Variants in TASOR2 observed in about 807,000 individuals in gnomAD.
The protein encoded by TASOR2 is transcription activation suppressor family member 2, also known as protein TASOR 2.
Under a neutral mutation model 199.5 loss-of-function variants are expected in TASOR2, and 84 were observed. The observed-to-expected ratio is 0.42, with a 90% CI of 0.35 to 0.50. The LOEUF (loss-of-function observed/expected upper bound fraction) is 0.50, where lower values mean the gene tolerates loss of function less well. Ranked by LOEUF, TASOR2 falls within the 20% of genes least tolerant of loss-of-function variation. The probability of loss-of-function intolerance (pLI) is 0.02; values close to 1 mark genes in which losing one functional copy is unlikely to be tolerated. For missense variants in TASOR2, 2,796 were observed against 2,835.9 expected (o/e 0.99, Z 0.32); for synonymous variants, 1,103 against 1,046.6 (o/e 1.05, Z -1.04).
In TASOR2 at chr10:5,730,369, G is replaced by GA. The variant is rs1834648923; in HGVS notation, c.488-115dup. 1.3e-6 allele frequency: 1 copy of GA among 744,826 alleles called. No individual in the cohort carries two copies. The highest frequency in any genetic ancestry group is 1.8e-5 in the African/African-American group (1 of 56,856). 46.1% of individuals were successfully genotyped at this position (744,826 alleles called of 1,614,324 possible). On this transcript the variant is annotated intron_variant, in intron 10 of 20. Transcript: ENST00000328090. This position sits in a 1 kb window ranked among gnomAD's most constrained non-coding sequence, Gnocchi z 4.1. The stretch of plus-strand genomic sequence containing the variant: ...TTAATTGCCATTTAGGTTGTCATTT[G>GA]AAATACTATAACATATTTAACCATC...
At chr10:5,694,841 G>GT (rs1289310240) in intron 1 of TASOR2, among the ~76,000 whole-genome samples, 1 of 152,020 alleles carries the variant, frequency 6.6e-6, no homozygotes, top group Non-Finnish European at 1.5e-5. Flanking sequence ...CCCCTTTGTG[G>GT]TTTTTTATTT....
At chr10:5,723,021 G>A (rs1252933628) in intron 6 of TASOR2, among the ~76,000 whole-genome samples, 11 of 139,728 alleles carry the variant, frequency 7.9e-5, no homozygotes, top group Non-Finnish European at 1.2e-4. Context: ...CACAAAAAAA[G>A]GAAAAAGTAG....
At position 5,748,424 on chromosome 10, in the gene TASOR2, C is replaced by T. The variant is rs570166927; in HGVS notation, c.5003C>T (p.Thr1668Ile). The T allele has an allele frequency of 8.1e-6, 13 of 1,614,228 alleles. No homozygotes were observed. In the East Asian group the frequency reaches 2.7e-4, roughly 33 times the overall value. ...TCTTCCTCAGACAATGCTACATTAA[C>T]CCATTATGTAAGACCAATAAATGCA... The change falls in exon 15 of 21, where the codon ACC (threonine) becomes ATC (isoleucine). Residue 1668 changes from threonine (T) to isoleucine (I), a missense_variant. This residue lies in a region of TASOR2 where 1,941 missense variants were observed against 1,924.9 expected (regional missense o/e 1.01). Transcript: ENST00000328090. This position sits in a 1 kb window ranked among gnomAD's most constrained non-coding sequence, Gnocchi z 5.1.
intron 8 of TASOR2, among the ~76,000 whole-genome samples, chr10:5,725,132 G>GT (rs1833881963): frequency 6.6e-6 from 1 of 152,122 alleles, no homozygotes; most frequent in Non-Finnish European, 1.5e-5. Flanking sequence ...AGGCGTGGTG[G>GT]TTCACGCCTG....
rs949949839 is a variant in TASOR2, at chr10:5,687,436, T to C, written c.-288+2261T>C. Among the ~76,000 whole-genome samples the C allele has an allele frequency of 1.3e-5, 2 of 152,254 alleles. No individual in the cohort carries two copies. The highest frequency in any genetic ancestry group is 2.4e-5 in the African/African-American group (1 of 41,468). Reference sequence around the variant, plus strand: ...TTCTATGAGTTACTTTTGTTAAACATTGTTTCTGAGATTCACTCATGTTAA... The same window carrying C: ...TTCTATGAGTTACTTTTGTTAAACACTGTTTCTGAGATTCACTCATGTTAA... On this transcript the variant is annotated intron_variant, in intron 1 of 20. Transcript: ENST00000328090. The surrounding 1 kb of genome is among the most constrained non-coding windows in gnomAD (Gnocchi z 4.8).
At chr10:5,747,260 C>T in exon 15 of TASOR2, 1 of 1,614,174 alleles carries the variant, frequency 6.2e-7, no homozygotes, top group South Asian at 1.1e-5. Context: ...GAGGAAGATT[C>T]TGACATTGAC....
exon 11 of TASOR2, chr10:5,731,126 C>T (rs1329570432): frequency 1.2e-6 from 2 of 1,612,662 alleles, no homozygotes; most frequent in African/African-American, 1.3e-5. Context: ...AGAACTGCTT[C>T]CAGAGCAGAC....
chr10:5,693,479 G>A (rs1836746121), intron 1 of TASOR2, among the ~76,000 whole-genome samples: 1 of 152,124 alleles, frequency 6.6e-6, no homozygotes, highest in Admixed American at 6.5e-5. Flanking sequence ...TTCTCAAATT[G>A]TATTTTTTGG....
chr10:5,730,404 T>C lies in TASOR2; in HGVS notation c.488-83T>C, dbSNP rs1834651935. The C allele has an allele frequency of 4.6e-6, 5 of 1,085,434 alleles. No individual in the cohort carries two copies. In the Middle Eastern group the frequency reaches 7.3e-4, roughly 158 times the overall value. 67.2% of individuals were successfully genotyped at this position (1,085,434 alleles called of 1,614,324 possible). A position where few individuals can be genotyped will look rare whatever the true frequency, so the allele number is the denominator to read the frequency against. ...AACATATTTAACCATCACATAATTT[T>C]GAAATCTAAAGCTTTTTTTTCCAGA... On this transcript the variant is annotated intron_variant, in intron 10 of 20. Coordinates refer to ENST00000328090, the Ensembl canonical transcript of TASOR2. This position sits in a 1 kb window ranked among gnomAD's most constrained non-coding sequence, Gnocchi z 4.1.
At position 5,718,059 on chromosome 10, in the gene TASOR2, T is replaced by C. The variant is rs77780333; in HGVS notation, c.-100+309T>C. ...GTAGCTGCTTATAAGGTGATGTGAT[T>C]ACACTTATAAAAGATGAATTTAGAA... is the stretch of plus-strand genomic sequence containing the variant. On this transcript the variant is annotated intron_variant, in intron 3 of 20. Transcript: ENST00000328090. 5.3e-3 allele frequency among the ~76,000 whole-genome samples: 805 copies of C among 152,294 alleles called. 7 individuals are homozygous for C. The highest frequency in any genetic ancestry group is 0.019 in the African/African-American group (771 of 41,566).
chr10:5,685,090 G>C lies in TASOR2; in HGVS notation c.-373G>C, dbSNP rs1475495691. 1.0e-5 allele frequency: 4 copies of C among 398,130 alleles called. No homozygotes were observed. The highest frequency in any genetic ancestry group is 1.8e-5 in the Non-Finnish European group (4 of 225,738). 24.7% of individuals were successfully genotyped at this position (398,130 alleles called of 1,614,324 possible). ...CGCCGGTGTCGCGAGGGCCCGGGAG[G>C]ACGCAGAGCACGGCCGGGAGAAGCA... On this transcript the variant is annotated 5_prime_UTR_variant, in exon 1 of 21. Transcript: ENST00000328090. This position sits in a 1 kb window ranked among gnomAD's most constrained non-coding sequence, Gnocchi z 5.4.
rs1837808015 is a variant in TASOR2, at chr10:5,701,267, C to T, written c.-287-11556C>T. Among the ~76,000 whole-genome samples, 1 of 152,050 alleles carries T rather than the reference C, an allele frequency of 6.6e-6. No individual in the cohort carries two copies. The highest frequency in any genetic ancestry group is 1.5e-5 in the Non-Finnish European group (1 of 67,982). On this transcript the variant is annotated intron_variant, in intron 1 of 20. Coordinates refer to ENST00000328090, the Ensembl canonical transcript of TASOR2. This position sits in a 1 kb window ranked among gnomAD's most constrained non-coding sequence, Gnocchi z 4.9. ...CTTTTCCCATTGTATGTTTTAGCTC[C>T]TTTGTCGATGATGAGTTGGCTCTAT...
In TASOR2 at chr10:5,735,561, T is replaced by C. The variant is rs764250153; in HGVS notation, c.1447+15T>C. 3.1e-6 allele frequency: 5 copies of C among 1,609,948 alleles called. No individual in the cohort carries two copies. In the South Asian group the frequency reaches 5.5e-5, roughly 18 times the overall value. On this transcript the variant is annotated intron_variant, in intron 12 of 20. Coordinates refer to ENST00000328090, the Ensembl canonical transcript of TASOR2. The stretch of plus-strand genomic sequence containing the variant: ...GCTACAACCTGGTAAGAAATACTCT[T>C]CCTATAAATTTAAACACCCCAATAC...
At chr10:5,756,135 C>T (rs72772333) in intron 15 of TASOR2, among the ~76,000 whole-genome samples, 2,203 of 152,250 alleles carry the variant, frequency 0.014, 20 homozygotes, top group Middle Eastern at 0.041. Flanking sequence ...GCAGTGGCAC[C>T]GTACAATCGC....
chr10:5,701,757 G>C lies in TASOR2; in HGVS notation c.-287-11066G>C, dbSNP rs1363632550. ...GATTGCTTTCTTGATTTCTTTTTCA[G>C]ATTGCTTGCAGTTGGTGTATACCAA... On this transcript the variant is annotated intron_variant, in intron 1 of 20. Coordinates refer to ENST00000328090, the Ensembl canonical transcript of TASOR2. This position sits in a 1 kb window ranked among gnomAD's most constrained non-coding sequence, Gnocchi z 4.9. Among the ~76,000 whole-genome samples the C allele has an allele frequency of 1.3e-5, 2 of 152,076 alleles. No individual in the cohort carries two copies. The highest frequency in any genetic ancestry group is 4.8e-5 in the African/African-American group (2 of 41,404).
exon 18 of TASOR2, chr10:5,758,989 A>G: frequency 1.2e-6 from 2 of 1,610,352 alleles, no homozygotes; most frequent in Non-Finnish European, 1.7e-6. Flanking sequence ...AAAGAAGATG[A>G]AAGGTAAGGA....
exon 21 of TASOR2, chr10:5,763,179 T>G: frequency 1.3e-6 from 1 of 750,284 alleles, no homozygotes; most frequent in South Asian, 2.2e-5. Flanking sequence ...TTTCATTTTT[T>G]ATATTTTGCT....
At chr10:5,712,672 C>G (rs1170614203) in intron 1 of TASOR2, 151 bp from the exon 2 acceptor site, 1 of 817,488 alleles carries the variant, frequency 1.2e-6, no homozygotes, top group African/African-American at 1.8e-5. Context: ...GAAATAGTCA[C>G]TTGGAAGGTA....
chr10:5,696,144 T>C (rs1337151696), intron 1 of TASOR2, among the ~76,000 whole-genome samples: 1 of 152,170 alleles, frequency 6.6e-6, no homozygotes, highest in Non-Finnish European at 1.5e-5. Context: ...GCGGTTGTCT[T>C]TTTTTGATTG....
Sources: allele counts gnomAD v4.1 joint callset (sites outside exome capture counted in the v4.1 genomes callset), GRCh38; gene constraint gnomAD v4.1.1; regional missense constraint gnomAD v4.1.1; non-coding constraint Gnocchi (gnomAD v3.1); transcripts MANE v1.5; gene names NCBI Gene and HGNC (gene_info 2026-07-23, HGNC 2026-07-21).